The following USP7 variants were observed in gnomAD, a reference collection of about 807,000 sequenced individuals.
USP7 encodes the protein ubiquitin C-terminal hydrolase 7.
Under a neutral mutation model 162.9 loss-of-function variants are expected in USP7, and 9 were observed. The ratio of observed to expected loss-of-function variants is 0.06; its 90% CI spans 0.03 to 0.10. The LOEUF (loss-of-function observed/expected upper bound fraction) is 0.10. Among genes scored for constraint, USP7 ranks in the 10% least tolerant of loss-of-function variants. The pLI, the probability that USP7 is intolerant of heterozygous loss-of-function variation, is 1.00. For synonymous variants in USP7, 562 were observed against 475.9 expected, an observed-to-expected ratio of 1.18 and a Z score of -2.35; for missense variants, 715 against 1,373.7, an observed-to-expected ratio of 0.52 and a Z score of 7.58.
In USP7 at chr16:8,894,632, A is replaced by G. The variant is rs1172770238; in HGVS notation, c.3120T>C (p.Phe1040=). The G allele has an allele frequency of 5.6e-6, 9 of 1,613,472 alleles. No homozygotes were observed. The South Asian group carries it at 9.9e-5, about 18-fold the overall frequency. The change falls in exon 30 of 31, where the codon TTT becomes TTC. Residue 1040 remains phenylalanine, a synonymous_variant. Coordinates refer to ENST00000344836, the MANE Select transcript of USP7 (RefSeq NM_003470.3). ...GGTGTCGGCCCATCATTACAATTGC[A>G]AATTTAAACTAAAAGAAAAAAAATT... ...IQEKEFEKFK[F]AIVMMGRHQY... is the part of the protein sequence containing the mutation.
intron 1 of USP7, among the ~76,000 whole-genome samples, chr16:8,953,548 A>G (rs11862121): frequency 0.012 from 831 of 67,696 alleles, 27 homozygotes; most frequent in African/African-American, 0.04. Flanking sequence ...CACGTGCCCC[A>G]TGCGGCGCCA....
intron 2 of USP7, among the ~76,000 whole-genome samples, chr16:8,925,935 A>T (rs988893866): frequency 4.5e-4 from 69 of 152,018 alleles, no homozygotes; most frequent in African/African-American, 1.6e-3. Flanking sequence ...CGGGTGGATC[A>T]CGAGGTCAGG....
chr16:8,915,416 A>G (rs562670555), intron 9 of USP7, 29 bp downstream of exon 9: 1 of 1,613,500 alleles, frequency 6.2e-7, no homozygotes, highest in Admixed American at 1.7e-5. Flanking sequence ...ACCTTTAAAA[A>G]TCATCTTTTA....
chr16:8,902,226 T>C (rs779180174), intron 17 of USP7, 39 bp from the exon 18 acceptor site: 19 of 1,604,702 alleles, frequency 1.2e-5, no homozygotes, highest in Non-Finnish European at 1.5e-5. Flanking sequence ...AAGAGTCTAA[T>C]GGCTTAGGTG....
In USP7 at chr16:8,897,023, C is replaced by T; in HGVS notation, c.2795G>A (p.Gly932Glu). 6.2e-7 allele frequency: 1 copy of T among 1,614,164 alleles called. No homozygotes were observed. The highest frequency in any genetic ancestry group is 8.5e-7 in the Non-Finnish European group (1 of 1,179,998). Residue 932 changes from glycine (G) to glutamate (E), a missense_variant, in exon 26 of 31, where the codon GGG becomes GAG. Physicochemically the swap from Gly to Glu is moderately conservative, Grantham distance 98. Around this residue, in one of 11 missense-constraint regions of USP7, gnomAD observed 222 missense variants for 441.7 expected, o/e 0.50. Transcript: ENST00000344836. The part of the protein sequence containing the change: ...LEECKKAVEL[G>E]EKASGKLRLL... ...CCTAAGTTTCCCTGATGCTTTCTCC[C>T]CAAGCTCCACGGCCTTTTTACATTC...
intron 1 of USP7, among the ~76,000 whole-genome samples, chr16:8,952,196 A>C (rs1040463438): frequency 6.6e-6 from 1 of 152,098 alleles, no homozygotes; most frequent in African/African-American, 2.4e-5. Flanking sequence ...GCTATAGTTA[A>C]CGGTGATTGC....
In USP7 at chr16:8,926,939, G is replaced by A. The variant is rs889130493; in HGVS notation, c.184+3354C>T. ...GGGCAGGGACAATTACCTACAGCACGAAGTTCCCACTGTGCACTTTGTTAC... is the reference window on the plus strand; with the variant it reads ...GGGCAGGGACAATTACCTACAGCACAAAGTTCCCACTGTGCACTTTGTTAC... On this transcript the variant is annotated intron_variant, in intron 2 of 30. Coordinates refer to ENST00000344836, the MANE Select transcript of USP7 (RefSeq NM_003470.3). 9.9e-5 allele frequency among the ~76,000 whole-genome samples: 15 copies of A among 152,190 alleles called. No homozygotes were observed. The East Asian group carries it at 1.5e-3, about 16-fold the overall frequency.
chr16:8,963,170 C>G, intron 1 of USP7, 37 bp downstream of exon 1: 1 of 1,382,460 alleles, frequency 7.2e-7, no homozygotes, highest in South Asian at 1.3e-5. Flanking sequence ...ATGAAAGGCG[C>G]CCCCCGGCCC....
chr16:8,929,511 C>A lies in USP7; in HGVS notation c.184+782G>T, dbSNP rs935643830. Reference sequence around the variant, plus strand: ...GTCCTTCTGGTGGTGCAGCCCGTGACTGATGGTTTCTTTCAACTGCCCCGT... The same window carrying A: ...GTCCTTCTGGTGGTGCAGCCCGTGAATGATGGTTTCTTTCAACTGCCCCGT... On this transcript the variant is annotated intron_variant, in intron 2 of 30. Transcript: ENST00000344836. The A allele has an allele frequency of 1.1e-5, 5 of 455,912 alleles. No individual in the cohort carries two copies. The East Asian group carries it at 3.5e-4, about 32-fold the overall frequency. The allele number at this position is 455,912 out of a possible 1,614,324, so 28.2% of individuals were successfully genotyped here. A position where few individuals can be genotyped will look rare whatever the true frequency, so the allele number is the denominator to read the frequency against.
intron 1 of USP7, 65 bp downstream of exon 1, chr16:8,963,142 G>A: frequency 7.6e-7 from 1 of 1,316,588 alleles, no homozygotes; most frequent in Admixed American, 3.2e-5. Context: ...CGTGGCTCCC[G>A]CGGCTCCCCC....
chr16:8,935,931 T>C (rs1219501084), intron 1 of USP7: 1 of 152,112 alleles, frequency 6.6e-6, no homozygotes, highest in East Asian at 1.9e-4. Flanking sequence ...CGTAGACCAC[T>C]TCAGCACGCG....
intron 1 of USP7, among the ~76,000 whole-genome samples, chr16:8,937,659 G>A (rs1898826424): frequency 6.6e-6 from 1 of 152,116 alleles, no homozygotes; most frequent in Admixed American, 6.6e-5. Context: ...TCCAGCCTGG[G>A]CAACAAAGCA....
chr16:8,936,643 G>A, intron 1 of USP7: 1 of 1,554,130 alleles, frequency 6.4e-7, no homozygotes, highest in Admixed American at 1.9e-5. Flanking sequence ...GGCCTCTGCT[G>A]GGGGATGGGG....
rs182912605 is a variant in USP7 at position 8,930,630 on chromosome 16, T to C, written c.80-233A>G. Reference sequence around the variant, plus strand: ...AAAACATGCTATACCACACTATAATTTGCTTTATTTGCAATGATATTCTGC... The same window carrying C: ...AAAACATGCTATACCACACTATAATCTGCTTTATTTGCAATGATATTCTGC... On this transcript the variant is annotated intron_variant, in intron 1 of 30. Transcript: ENST00000344836. 2.8e-4 allele frequency among the ~76,000 whole-genome samples: 42 copies of C among 152,286 alleles called. No individual in the cohort carries two copies. The East Asian group carries it at 6.5e-3, about 24-fold the overall frequency.
chr16:8,963,124 GC>G, intron 1 of USP7, 82 bp downstream of exon 1: 1 of 1,235,538 alleles, frequency 8.1e-7, no homozygotes, highest in Non-Finnish European at 1.0e-6. Context: ...AAGATGGCGA[GC>G]CCCTCGCGTG....
chr16:8,915,081 C>G (rs1025973446), intron 10 of USP7, among the ~76,000 whole-genome samples, 173 bp downstream of exon 10: 1 of 152,078 alleles, frequency 6.6e-6, no homozygotes, highest in Non-Finnish European at 1.5e-5. Context: ...CTGGCCAACA[C>G]CAGAGCTGGG....
At chr16:8,897,421 AG>A (rs1043602584) in intron 25 of USP7, among the ~76,000 whole-genome samples, 3 of 152,030 alleles carry the variant, frequency 2.0e-5, no homozygotes, top group Non-Finnish European at 4.4e-5. Flanking sequence ...CAGCACAATG[AG>A]AAAGGAATGC....
intron 4 of USP7, among the ~76,000 whole-genome samples, chr16:8,920,872 G>A (rs1172570423): frequency 6.6e-6 from 1 of 152,200 alleles, no homozygotes; most frequent in African/African-American, 2.4e-5. Context: ...TCAGTACTAT[G>A]CCTGAATCAT....
At chr16:8,955,487 C>G (rs977466585) in intron 1 of USP7, among the ~76,000 whole-genome samples, 1 of 152,068 alleles carries the variant, frequency 6.6e-6, no homozygotes, top group Non-Finnish European at 1.5e-5. Context: ...CTTTGGGAGG[C>G]CGAGTGAGGC....
Sources: gnomAD v4.1 joint callset for allele counts (sites outside exome capture counted in the v4.1 genomes callset) on GRCh38, gnomAD v4.1.1 for gene constraint, gnomAD v4.1.1 regional missense constraint, MANE v1.5 for transcripts, NCBI Gene and HGNC (gene_info 2026-07-23, HGNC 2026-07-21) for gene names.